Variants in ADGRF5 observed in about 807,000 individuals in gnomAD.
ADGRF5 encodes G-protein coupled receptor 116.
A neutral mutation model predicts 132.3 loss-of-function variants in ADGRF5; 75 were observed. That is an observed-to-expected ratio of 0.57 (90% CI 0.47 to 0.69). ADGRF5 has a LOEUF of 0.69. Among genes scored for constraint, ADGRF5 ranks in the 30% least tolerant of loss-of-function variants. The probability of loss-of-function intolerance (pLI) is 0.00; values close to 1 mark genes in which losing one functional copy is unlikely to be tolerated. For synonymous variants in ADGRF5, 629 were observed against 597.6 expected (o/e 1.05, Z -0.77); for missense variants, 1,516 against 1,630.6 (o/e 0.93, Z 1.21).
chr6:46,890,599 C>T (rs920508665), intron 3 of ADGRF5, among the ~76,000 whole-genome samples: 1 of 151,938 alleles, frequency 6.6e-6, no homozygotes, highest in African/African-American at 2.4e-5. Flanking sequence ...TGCCTGTAAT[C>T]CCAGCTACTC....
intron 14 of ADGRF5, among the ~76,000 whole-genome samples, chr6:46,864,602 G>A (rs972057501): frequency 2.0e-5 from 3 of 149,094 alleles, no homozygotes; most frequent in Non-Finnish European, 4.4e-5. Flanking sequence ...TTGGCTCACT[G>A]CAACCTCCGC....
At position 46,853,955 on chromosome 6, in the gene ADGRF5, G is replaced by A. The variant is rs769821080; in HGVS notation, c.*37C>T. ...ATCTCTTTTTAAAAGCACAGCCACTGTCCCCGGGAGGTCACGTAGGTTGGA... is the reference window on the plus strand; with the variant it reads ...ATCTCTTTTTAAAAGCACAGCCACTATCCCCGGGAGGTCACGTAGGTTGGA... On this transcript the variant is annotated 3_prime_UTR_variant, in exon 21 of 21. Coordinates refer to ENST00000283296, the MANE Select transcript of ADGRF5 (RefSeq NM_001098518.2). 7.1e-7 allele frequency: 1 copy of A among 1,404,676 alleles called. No homozygotes were observed. Among genetic ancestry groups the A allele is most frequent in the Non-Finnish European group, 1.0e-6 (1 of 1,003,948 alleles). 87.0% of individuals were successfully genotyped at this position (1,404,676 alleles called of 1,614,324 possible).
At position 46,906,682 on chromosome 6, in the gene ADGRF5, G is replaced by A. The variant is rs377014375; in HGVS notation, c.81C>T (p.Tyr27=). 39 of 1,572,258 alleles carry A rather than the reference G, an allele frequency of 2.5e-5. 1 individual carries two copies. The highest frequency in any genetic ancestry group is 1.1e-4 in the South Asian group (10 of 90,206). Reference sequence around the variant, plus strand: ...TCACCAAAGGATGAATAGTAGACTCGTAATTCCAGTTCAGTGCAGCTTTGG... The same window carrying A: ...TCACCAAAGGATGAATAGTAGACTCATAATTCCAGTTCAGTGCAGCTTTGG... ...YSSKAALNWN[Y]ESTIHPLSLH... The change falls in exon 2 of 21, where the codon TAC becomes TAT. Residue 27 remains tyrosine (Y), a synonymous_variant. Coordinates refer to ENST00000283296, the MANE Select transcript of ADGRF5 (RefSeq NM_001098518.2).
intron 2 of ADGRF5, among the ~76,000 whole-genome samples, chr6:46,903,933 T>C (rs1386799292): frequency 6.6e-6 from 1 of 152,192 alleles, no homozygotes; most frequent in Admixed American, 6.5e-5. Context: ...TATGATTTAT[T>C]CTCATGTAGA....
At chr6:46,945,880 G>A (rs1386578140) in intron 1 of ADGRF5, among the ~76,000 whole-genome samples, 1 of 152,204 alleles carries the variant, frequency 6.6e-6, no homozygotes, top group Non-Finnish European at 1.5e-5. Context: ...GCAGTAAAGG[G>A]AGCTTGTTCA....
chr6:46,929,993 G>A (rs575075328), intron 1 of ADGRF5, among the ~76,000 whole-genome samples: 14 of 152,024 alleles, frequency 9.2e-5, no homozygotes, highest in African/African-American at 3.4e-4. Context: ...GCTAATTTTT[G>A]TATTTTTAGT....
intron 4 of ADGRF5, among the ~76,000 whole-genome samples, chr6:46,884,577 C>G (rs1244012066): frequency 6.6e-6 from 1 of 152,172 alleles, no homozygotes; most frequent in Non-Finnish European, 1.5e-5. Context: ...TATAAGGTAG[C>G]TAGCCTCCAA....
At chr6:46,908,953 A>G (rs964552689) in intron 1 of ADGRF5, 3 of 152,212 alleles carry the variant, frequency 2.0e-5, no homozygotes, top group Non-Finnish European at 4.4e-5. Flanking sequence ...ACCAATGGGA[A>G]CAGTGACACG....
chr6:46,943,022 A>T (rs1258768589), intron 1 of ADGRF5, among the ~76,000 whole-genome samples: 2 of 152,208 alleles, frequency 1.3e-5, no homozygotes, highest in African/African-American at 4.8e-5. Context: ...ATAATCCATT[A>T]CAATAAATAA....
chr6:46,877,222 CCT>C (rs754999224), intron 10 of ADGRF5, among the ~76,000 whole-genome samples: 186 of 147,216 alleles, frequency 1.3e-3, no homozygotes, highest in African/African-American at 2.3e-3. Context: ...TAATTTATTT[CCT>C]CTCTTTCTTT....
intron 15 of ADGRF5, among the ~76,000 whole-genome samples, chr6:46,862,598 C>A (rs563653118): frequency 6.6e-6 from 1 of 151,166 alleles, no homozygotes; most frequent in East Asian, 2.0e-4. Context: ...AATACCGCTG[C>A]CCCCTGGAGG....
intron 14 of ADGRF5, among the ~76,000 whole-genome samples, chr6:46,864,182 G>C (rs1770107295): frequency 6.6e-6 from 1 of 152,138 alleles, no homozygotes; most frequent in Admixed American, 6.6e-5. Flanking sequence ...CTTGTATTAG[G>C]ATGATCTATC....
intron 12 of ADGRF5, among the ~76,000 whole-genome samples, chr6:46,868,604 C>T (rs1770715236): frequency 2.0e-5 from 3 of 152,104 alleles, no homozygotes; most frequent in Admixed American, 6.6e-5. Context: ...AAAAACAATC[C>T]TCATAACTTA....
upstream of ADGRF5, among the ~76,000 whole-genome samples, chr6:46,922,639 T>G (rs1276653005): frequency 6.6e-6 from 1 of 152,192 alleles, no homozygotes; most frequent in African/African-American, 2.4e-5. Context: ...AAGAGGAAAC[T>G]GAGGCCCAAG....
chr6:46,902,402 C>T (rs1774869505), intron 2 of ADGRF5, among the ~76,000 whole-genome samples: 1 of 152,224 alleles, frequency 6.6e-6, no homozygotes, highest in African/African-American at 2.4e-5. Context: ...TCTCTGCTTT[C>T]CAATAGGACT....
In ADGRF5 at chr6:46,859,438, C is replaced by T. The variant is rs771789130; in HGVS notation, c.2465G>A (p.Ser822Asn). ...KVLQQQWTNQSSQLLHSVERF... is the reference protein window; with the variant it reads ...KVLQQQWTNQNSQLLHSVERF... ...TTCCACTGAATGTAGTAGCTGTGAACTCTGATTGGTCCATTGCTGTTGTAA... is the reference window on the plus strand; with the variant it reads ...TTCCACTGAATGTAGTAGCTGTGAATTCTGATTGGTCCATTGCTGTTGTAA... The change falls in exon 17 of 21, where the codon AGT (serine) becomes AAT (asparagine). Residue 822 changes from serine to asparagine, a missense_variant. This residue lies in a region of ADGRF5 where 571 missense variants were observed against 701.2 expected (regional missense o/e 0.81). Transcript: ENST00000283296. 17 of 1,613,340 alleles carry T rather than the reference C, an allele frequency of 1.1e-5. No individual in the cohort carries two copies. The highest frequency in any genetic ancestry group is 1.4e-5 in the Non-Finnish European group (17 of 1,179,290).
chr6:46,880,006 A>C lies in ADGRF5; in HGVS notation c.848T>G (p.Ile283Ser). 1.9e-6 allele frequency: 3 copies of C among 1,614,144 alleles called. No homozygotes were observed. The highest frequency in any genetic ancestry group is 2.5e-6 in the Non-Finnish European group (3 of 1,179,974). Residue 283 changes from isoleucine to serine, a missense_variant, in exon 9 of 21, where the codon ATC becomes AGC. Transcript: ENST00000283296. ...CAGACTGACTGTGTCCCCTTCAAAG[A>C]TGATTTCTGGTGTGACAAAGAAATT... The part of the protein sequence containing the change: ...ESNFFVTPEI[I>S]FEGDTVSLVC...
intron 13 of ADGRF5, 121 bp from the exon 14 acceptor site, chr6:46,865,318 A>G (rs369977017): frequency 7.4e-6 from 5 of 677,700 alleles, no homozygotes; most frequent in Admixed American, 3.0e-5. Context: ...TGCCACATTC[A>G]TTTTTAACAG....
At chr6:46,899,338 T>C (rs1460608277) in intron 3 of ADGRF5, among the ~76,000 whole-genome samples, 1 of 152,076 alleles carries the variant, frequency 6.6e-6, no homozygotes, top group Non-Finnish European at 1.5e-5. Flanking sequence ...TGAAGAGTTC[T>C]ATGGGGGCAA....
Sources: gnomAD v4.1 joint callset for allele counts (sites outside exome capture counted in the v4.1 genomes callset) on GRCh38, gnomAD v4.1.1 for gene constraint, gnomAD v4.1.1 regional missense constraint, MANE v1.5 for transcripts, NCBI Gene and HGNC (gene_info 2026-07-23, HGNC 2026-07-21) for gene names.